BCAT1: variants seen among roughly 807,000 people sequenced by gnomAD.
BCAT1 encodes branched chain amino acid transaminase 1, also known as branched-chain-amino-acid aminotransferase, cytosolic.
Under a neutral mutation model 52.4 loss-of-function variants are expected in BCAT1, and 48 were observed. The ratio of observed to expected loss-of-function variants is 0.92; its 90% CI spans 0.73 to 1.16. The LOEUF (loss-of-function observed/expected upper bound fraction) is 1.16, where lower values mean the gene tolerates loss of function less well. BCAT1 is among the 50% of genes most tolerant of loss of function. BCAT1 has a pLI of 0.00. For synonymous variants in BCAT1, 167 were observed against 161.3 expected (o/e 1.04, Z -0.27); for missense variants, 451 against 457.1 (o/e 0.99, Z 0.12).
At chr12:24,877,333 T>C (rs1942376040) in intron 5 of BCAT1, among the ~76,000 whole-genome samples, 1 of 152,180 alleles carries the variant, frequency 6.6e-6, no homozygotes, top group Non-Finnish European at 1.5e-5. Flanking sequence ...TCTCCTTCCA[T>C]CAATTATCCC....
intron 5 of BCAT1, among the ~76,000 whole-genome samples, chr12:24,857,861 T>A (rs1307189215): frequency 6.6e-6 from 1 of 152,160 alleles, no homozygotes; most frequent in African/African-American, 2.4e-5. Flanking sequence ...AGGCAGGAAA[T>A]ATGCTTTAAG....
At chr12:24,880,447 ACTCT>A (rs1312104620) in intron 4 of BCAT1, among the ~76,000 whole-genome samples, 2 of 151,572 alleles carry the variant, frequency 1.3e-5, no homozygotes, top group African/African-American at 4.9e-5. Context: ...ACAGAGTGAG[ACTCT>A]CTCTCAAAAA....
chr12:24,909,431 T>C (rs1352429343), intron 1 of BCAT1, among the ~76,000 whole-genome samples: 2 of 152,240 alleles, frequency 1.3e-5, no homozygotes, highest in East Asian at 3.8e-4. Context: ...CAATTCTATG[T>C]ACTGTGTATG....
chr12:24,841,550 A>G (rs572995664), intron 7 of BCAT1, among the ~76,000 whole-genome samples: 2 of 152,216 alleles, frequency 1.3e-5, no homozygotes, highest in African/African-American at 2.4e-5. Context: ...CTCAATAATC[A>G]GTACATCTAG....
At chr12:24,834,022 G>A (rs12227952) in intron 8 of BCAT1, 1 of 317,576 alleles carries the variant, frequency 3.1e-6, no homozygotes, top group African/African-American at 2.3e-5. Flanking sequence ...GTAAAGATAG[G>A]GGTCTCCCTA....
intron 1 of BCAT1, among the ~76,000 whole-genome samples, chr12:24,923,536 A>C (rs796595527): frequency 7.9e-5 from 12 of 152,158 alleles, no homozygotes; most frequent in African/African-American, 2.9e-4. Flanking sequence ...CCTCCTGAGT[A>C]GCTGGGACTA....
chr12:24,841,852 T>C (rs1941183176), intron 7 of BCAT1, among the ~76,000 whole-genome samples: 1 of 151,938 alleles, frequency 6.6e-6, no homozygotes, highest in Non-Finnish European at 1.5e-5. Flanking sequence ...TGAGCTGAGA[T>C]CACACCATTG....
intron 1 of BCAT1, among the ~76,000 whole-genome samples, chr12:24,911,125 A>G (rs1474831635): frequency 3.9e-5 from 6 of 152,110 alleles, no homozygotes; most frequent in Admixed American, 1.3e-4. Flanking sequence ...TTGAAAAAAT[A>G]TTAGTTATCA....
At chr12:24,918,027 G>A (rs777809112) in intron 1 of BCAT1, among the ~76,000 whole-genome samples, 1 of 152,206 alleles carries the variant, frequency 6.6e-6, no homozygotes, top group African/African-American at 2.4e-5. Flanking sequence ...CTAGCAAAGA[G>A]AAAGAAGCAA....
chr12:24,886,188 C>T (rs1489295562), intron 3 of BCAT1, among the ~76,000 whole-genome samples: 1 of 152,126 alleles, frequency 6.6e-6, no homozygotes, highest in East Asian at 1.9e-4. Context: ...GAAGCTGAAG[C>T]GAGAGGATTG....
At chr12:24,842,709 T>C (rs953686154) in intron 6 of BCAT1, among the ~76,000 whole-genome samples, 1 of 152,138 alleles carries the variant, frequency 6.6e-6, no homozygotes, top group Non-Finnish European at 1.5e-5. Context: ...CTAACACCTT[T>C]TAATGTATCC....
chr12:24,936,070 C>A (rs1047630042), intron 1 of BCAT1, among the ~76,000 whole-genome samples: 9 of 152,208 alleles, frequency 5.9e-5, no homozygotes, highest in Non-Finnish European at 1.2e-4. Context: ...TATCATGCTT[C>A]TCAAAATTCT....
rs893097258 is a variant in BCAT1 at position 24,811,533 on chromosome 12, C to G, written c.*6475G>C. On this transcript the variant is annotated 3_prime_UTR_variant, in exon 11 of 11. Coordinates refer to ENST00000261192, the MANE Select transcript of BCAT1 (RefSeq NM_005504.7). ...ACCAGATGGCTCTGGTGTAACAAAGCCATTTTAGATGTTTAATTGTGCTTC... is the reference window on the plus strand; with the variant it reads ...ACCAGATGGCTCTGGTGTAACAAAGGCATTTTAGATGTTTAATTGTGCTTC... The G allele has an allele frequency of 1.3e-5, 2 of 152,100 alleles. No homozygotes were observed. The highest frequency in any genetic ancestry group is 1.3e-4 in the Admixed American group (2 of 15,256). The allele number at this position is 152,100 out of a possible 1,614,324, so 9.4% of individuals were successfully genotyped here.
chr12:24,948,592 G>A (rs1173739975), intron 1 of BCAT1, among the ~76,000 whole-genome samples: 1 of 152,156 alleles, frequency 6.6e-6, no homozygotes, highest in East Asian at 1.9e-4. Context: ...CACCTCCTGT[G>A]CATAGGAGAA....
intron 1 of BCAT1, among the ~76,000 whole-genome samples, chr12:24,908,491 C>G (rs931357726): frequency 1.3e-5 from 2 of 152,174 alleles, no homozygotes; most frequent in African/African-American, 4.8e-5. Context: ...AATCCCCCCA[C>G]TTTAGGAGGG....
At chr12:24,875,006 CAAAAAAAAA>C (rs11370314) in intron 5 of BCAT1, among the ~76,000 whole-genome samples, 1 of 138,014 alleles carries the variant, frequency 7.2e-6, no homozygotes, top group Non-Finnish European at 1.6e-5. Context: ...AAGACAGGAC[CAAAAAAAAA>C]AAAAAAATCA....
intron 5 of BCAT1, 21 bp from the exon 6 acceptor site, chr12:24,849,970 A>G (rs1941458606): frequency 1.3e-6 from 2 of 1,577,444 alleles, no homozygotes; most frequent in Non-Finnish European, 8.6e-7. Context: ...GTAGAAGTAC[A>G]TACAACTGTA....
At chr12:24,902,689 A>C in intron 1 of BCAT1, 1 of 537,210 alleles carries the variant, frequency 1.9e-6, no homozygotes. Flanking sequence ...GGTCCTCGCC[A>C]CGCTCCGGAG....
chr12:24,892,725 T>C (rs1942877471), intron 3 of BCAT1, among the ~76,000 whole-genome samples: 1 of 152,118 alleles, frequency 6.6e-6, no homozygotes, highest in African/African-American at 2.4e-5. Context: ...TGGTGACATG[T>C]GTCTGTGGTC....
Sources: allele counts gnomAD v4.1 joint callset (sites outside exome capture counted in the v4.1 genomes callset), GRCh38; gene constraint gnomAD v4.1.1; transcripts MANE v1.5; gene names NCBI Gene and HGNC (gene_info 2026-07-23, HGNC 2026-07-21).